Variants in IL5RA observed in about 807,000 individuals in gnomAD.
IL5RA encodes the protein interleukin 5 receptor subunit alpha, also known as interleukin-5 receptor subunit alpha.
IL5RA carries 49 observed loss-of-function variants against 50.0 expected under a neutral mutation model. The ratio of observed to expected loss-of-function variants is 0.98; its 90% CI spans 0.78 to 1.24. The LOEUF (loss-of-function observed/expected upper bound fraction) is 1.24. Ranked by LOEUF, IL5RA falls within the 50% of genes most tolerant of loss-of-function variation. IL5RA has a pLI of 0.00. For missense variants in IL5RA, 600 were observed against 500.4 expected, an observed-to-expected ratio of 1.20 and a Z score of -1.90; for synonymous variants, 202 against 174.0, an observed-to-expected ratio of 1.16 and a Z score of -1.26.
chr3:3,101,154 G>C (rs549117502), intron 5 of IL5RA, among the ~76,000 whole-genome samples: 2 of 147,984 alleles, frequency 1.4e-5, no homozygotes, highest in African/African-American at 2.5e-5. Context: ...ACTTCAGCCT[G>C]GGCAACAGAA....
rs1258354393 is a variant in IL5RA, at chr3:3,067,775, G to T, written c.*2450C>A. 6.6e-6 allele frequency: 1 copy of T among 152,382 alleles called. No homozygotes were observed. Among genetic ancestry groups the T allele is most frequent in the African/African-American group, 2.4e-5 (1 of 41,458 alleles). 9.4% of individuals were successfully genotyped at this position (152,382 alleles called of 1,614,324 possible). On this transcript the variant is annotated 3_prime_UTR_variant, in exon 12 of 12. Coordinates refer to ENST00000446632, the MANE Select transcript of IL5RA (RefSeq NM_175726.4). ...GGCCAGATAACGGTACCAGCTCAGGGAAGTGTGGCAAGGAGCTCCACAGAG... is the reference window on the plus strand; with the variant it reads ...GGCCAGATAACGGTACCAGCTCAGGTAAGTGTGGCAAGGAGCTCCACAGAG...
Position 3,091,592 on chromosome 3 carries a change from C to T in IL5RA, c.994+632G>A, listed in dbSNP as rs17886966. Reference sequence around the variant, plus strand: ...ACTAAAAATACAAAAATTAGCCAGGCGTGGTGGCATGTGCCTGCAGTCCCA... The same window carrying T: ...ACTAAAAATACAAAAATTAGCCAGGTGTGGTGGCATGTGCCTGCAGTCCCA... On this transcript the variant is annotated intron_variant, in intron 9 of 11. Coordinates refer to ENST00000446632, the MANE Select transcript of IL5RA (RefSeq NM_175726.4). Among the ~76,000 whole-genome samples, 399 of 152,148 alleles carry T rather than the reference C, an allele frequency of 2.6e-3. 2 individuals are homozygous for T. The highest frequency in any genetic ancestry group is 8.0e-3 in the African/African-American group (331 of 41,510).
chr3:3,098,517 CG>C (rs1338535584), intron 5 of IL5RA, among the ~76,000 whole-genome samples: 1 of 152,090 alleles, frequency 6.6e-6, no homozygotes, highest in Non-Finnish European at 1.5e-5. Flanking sequence ...GAGCGATTCT[CG>C]TGCCTCAGCC....
intron 2 of IL5RA, among the ~76,000 whole-genome samples, chr3:3,107,249 AT>A (rs5846243): frequency 0.33 from 48,850 of 148,402 alleles, 7,985 homozygotes; most frequent in East Asian, 0.36. Flanking sequence ...AAAGAATGAC[AT>A]TTTTTTTTTT....
At chr3:3,089,036 A>G (rs1278517837) in intron 9 of IL5RA, among the ~76,000 whole-genome samples, 1 of 152,170 alleles carries the variant, frequency 6.6e-6, no homozygotes, top group Non-Finnish European at 1.5e-5. Context: ...CATGTCGAGG[A>G]AAGTCCTGTG....
At chr3:3,071,592 TG>T in intron 11 of IL5RA, among the ~76,000 whole-genome samples, 1 of 126,338 alleles carries the variant, frequency 7.9e-6, no homozygotes, top group African/African-American at 3.2e-5. Context: ...TGTGTGTGTG[TG>T]TGTATTTTTT....
chr3:3,084,540 A>T (rs913611415), intron 9 of IL5RA, among the ~76,000 whole-genome samples: 3 of 152,246 alleles, frequency 2.0e-5, no homozygotes, highest in African/African-American at 7.2e-5. Context: ...CTTCATTCCC[A>T]ATGGCTTGTC....
chr3:3,107,883 C>G (rs1016084930), intron 2 of IL5RA, among the ~76,000 whole-genome samples: 1 of 152,208 alleles, frequency 6.6e-6, no homozygotes, highest in East Asian at 1.9e-4. Context: ...TTCTTGAGAA[C>G]TGGTCAAATT....
intron 3 of IL5RA, among the ~76,000 whole-genome samples, chr3:3,103,583 A>T (rs1703758814): frequency 6.6e-6 from 1 of 152,232 alleles, no homozygotes; most frequent in African/African-American, 2.4e-5. Flanking sequence ...TTACTTAAAT[A>T]GGGCTTTACA....
chr3:3,072,795 C>A (rs1702345876), intron 11 of IL5RA, among the ~76,000 whole-genome samples: 2 of 152,166 alleles, frequency 1.3e-5, no homozygotes, highest in Non-Finnish European at 2.9e-5. Flanking sequence ...ACCTGTAATC[C>A]CAGCTATATG....
At chr3:3,104,067 C>G (rs998468415) in intron 3 of IL5RA, among the ~76,000 whole-genome samples, 1 of 152,160 alleles carries the variant, frequency 6.6e-6, no homozygotes, top group East Asian at 1.9e-4. Flanking sequence ...GAGACAGAGT[C>G]TCACTCTGTT....
chr3:3,076,939 GGATCTTGGA>G (rs1702507246), intron 9 of IL5RA, among the ~76,000 whole-genome samples: 2 of 152,190 alleles, frequency 1.3e-5, no homozygotes, highest in South Asian at 4.1e-4. Context: ...TGTGCCACTT[GGATCTTGGA>G]GCTTATCTGT....
chr3:3,095,269 A>G (rs1367596669), intron 8 of IL5RA, 30 bp downstream of exon 8: 1 of 1,512,834 alleles, frequency 6.6e-7, no homozygotes, highest in Middle Eastern at 2.3e-4. Flanking sequence ...AATGTCTGTT[A>G]TCAAATATTG....
In IL5RA at chr3:3,092,327, T is replaced by G. The variant is rs141315087; in HGVS notation, c.891A>C (p.Ile297=). ...CATCGTACTTAGAAAGATCATCAAT[T>G]ATTGAGATGAATGCATTGGTCATCA... is the stretch of plus-strand genomic sequence containing the variant. ...EKLMTNAFIS[I]IDDLSKYDVQ... Residue 297 remains isoleucine (I), a synonymous_variant, in exon 9 of 12, where the codon ATA becomes ATC. Transcript: ENST00000446632. This position sits in a 1 kb window ranked among gnomAD's most constrained non-coding sequence, Gnocchi z 4.2. 6.2e-7 allele frequency: 1 copy of G among 1,613,810 alleles called. No homozygotes were observed. Among genetic ancestry groups the G allele is most frequent in the East Asian group, 2.2e-5 (1 of 44,882 alleles).
At position 3,102,669 on chromosome 3, in the gene IL5RA, A is replaced by C. The variant is rs983449254; in HGVS notation, c.228+6T>G. The C allele has an allele frequency of 1.3e-6, 2 of 1,565,862 alleles. No individual in the cohort carries two copies. Reference sequence around the variant, plus strand: ...AATAAGGATATCCATTAGAATAAACACTTACGTCATCTTCTTTTGGAGCGT... The same window carrying C: ...AATAAGGATATCCATTAGAATAAACCCTTACGTCATCTTCTTTTGGAGCGT... On this transcript the variant is annotated splice_donor_region_variant and intron_variant, in intron 4 of 11. Transcript: ENST00000446632.
chr3:3,082,301 C>T (rs1214997807), intron 9 of IL5RA, among the ~76,000 whole-genome samples: 3 of 152,202 alleles, frequency 2.0e-5, no homozygotes, highest in Admixed American at 6.5e-5. Context: ...TAATTTGACT[C>T]TCTGCTCTGA....
intron 7 of IL5RA, 83 bp from the exon 8 acceptor site, chr3:3,095,527 C>G: frequency 9.1e-7 from 1 of 1,102,866 alleles, no homozygotes. Context: ...CCACACTTCT[C>G]AAGGCATTTC....
chr3:3,105,125 C>G (rs1289068675), intron 2 of IL5RA, 138 bp from the exon 3 acceptor site: 17 of 593,050 alleles, frequency 2.9e-5, no homozygotes, highest in Non-Finnish European at 9.3e-6. Context: ...GCAAAAAGTA[C>G]AAACATGACC....
intron 9 of IL5RA, 85 bp from the exon 10 acceptor site, chr3:3,076,712 C>T (rs1031116672): frequency 2.7e-5 from 22 of 810,356 alleles, no homozygotes; most frequent in Admixed American, 2.1e-4. Context: ...CTTGGGTCAT[C>T]AGACAGCTCA....
Sources: allele counts gnomAD v4.1 joint callset (sites outside exome capture counted in the v4.1 genomes callset), GRCh38; gene constraint gnomAD v4.1.1; non-coding constraint Gnocchi (gnomAD v3.1); transcripts MANE v1.5; gene names NCBI Gene and HGNC (gene_info 2026-07-23, HGNC 2026-07-21).